Variants in RGS22 observed in about 807,000 individuals in gnomAD.
RGS22 encodes the protein regulator of G protein signaling 22, also known as regulator of G-protein signaling 22.
RGS22 carries 148 observed loss-of-function variants against 172.9 expected under a neutral mutation model. That is an observed-to-expected ratio of 0.86 (90% CI 0.75 to 0.98). The LOEUF is 0.98. Among genes scored for constraint, RGS22 ranks in the 50% least tolerant of loss-of-function variants. The pLI, the probability that RGS22 is intolerant of heterozygous loss-of-function variation, is 0.00. For synonymous variants in RGS22, 458 were observed against 480.2 expected, an observed-to-expected ratio of 0.95 and a Z score of 0.60; for missense variants, 1,347 against 1,440.8, an observed-to-expected ratio of 0.93 and a Z score of 1.05.
rs1242503250 is a variant in RGS22, at chr8:99,962,887, G to T, written c.3707C>A (p.Ala1236Glu). Residue 1236 changes from alanine to glutamate, a missense_variant and splice_region_variant, in exon 25 of 28, where the codon GCA becomes GAA. Transcript: ENST00000360863. ...TGTAGGCAGAAGGCAAAAATTACCT[G>T]CAAACAACTTTTTTTCTAGTTCTTC... ...IQEELEKKLFAGLQPLTNFKA... is the reference protein window; with the variant it reads ...IQEELEKKLFEGLQPLTNFKA... 4 of 1,593,982 alleles carry T rather than the reference G, an allele frequency of 2.5e-6. No homozygotes were observed. Among genetic ancestry groups the T allele is most frequent in the Non-Finnish European group, 3.4e-6 (4 of 1,175,228 alleles).
At chr8:100,022,545 A>T (rs1265084723) in intron 14 of RGS22, among the ~76,000 whole-genome samples, 1 of 152,172 alleles carries the variant, frequency 6.6e-6, no homozygotes, top group Non-Finnish European at 1.5e-5. Flanking sequence ...ACACAGAAAA[A>T]AAAGTTATTA....
rs185644880 is a variant in RGS22 at position 100,046,753 on chromosome 8, G to A, written c.1823+710C>T. Among the ~76,000 whole-genome samples the A allele has an allele frequency of 7.5e-4, 114 of 151,900 alleles. 1 individual carries two copies. The highest frequency in any genetic ancestry group is 2.4e-3 in the African/African-American group (100 of 41,396). ...AGAGGTGACTTCGGCATTTGAGGCT[G>A]CTTTTTCCTGAGGCTTTGCTTACGA... On this transcript the variant is annotated intron_variant, in intron 11 of 27. Coordinates refer to ENST00000360863, the MANE Select transcript of RGS22 (RefSeq NM_015668.5).
At chr8:100,096,130 C>G (rs1186961471) in intron 2 of RGS22, among the ~76,000 whole-genome samples, 1 of 152,078 alleles carries the variant, frequency 6.6e-6, no homozygotes, top group African/African-American at 2.4e-5. Flanking sequence ...ATTAAAAAAA[C>G]AAAATTAAGC....
chr8:100,021,569 G>A (rs1330964370), intron 14 of RGS22, among the ~76,000 whole-genome samples: 1 of 152,090 alleles, frequency 6.6e-6, no homozygotes, highest in Non-Finnish European at 1.5e-5. Context: ...TTCAGTGTCT[G>A]GACCCCAAAG....
chr8:100,069,339 C>T (rs962625368), intron 6 of RGS22, among the ~76,000 whole-genome samples: 3 of 152,180 alleles, frequency 2.0e-5, no homozygotes, highest in African/African-American at 7.2e-5. Context: ...GGAGTAGCAG[C>T]ACAAGGGCTA....
intron 9 of RGS22, among the ~76,000 whole-genome samples, chr8:100,060,402 G>GTATATA (rs72050805): frequency 0.013 from 1,361 of 102,956 alleles, 95 homozygotes; most frequent in African/African-American, 0.033. Flanking sequence ...TTAGCTACGT[G>GTATATA]TATATATATA....
chr8:99,992,666 T>C (rs1813889498), intron 20 of RGS22, among the ~76,000 whole-genome samples: 1 of 152,122 alleles, frequency 6.6e-6, no homozygotes, highest in South Asian at 2.1e-4. Flanking sequence ...ACAATAATAA[T>C]GGGAGACTTT....
intron 21 of RGS22, among the ~76,000 whole-genome samples, chr8:99,985,990 T>C (rs1483252373): frequency 6.6e-6 from 1 of 152,068 alleles, no homozygotes; most frequent in African/African-American, 2.4e-5. Flanking sequence ...ATATTGCTCA[T>C]GTGAAAGATT....
In RGS22 at chr8:100,047,463, C is replaced by A; in HGVS notation, c.1823G>T (p.Gly608Val). 6.3e-7 allele frequency: 1 copy of A among 1,592,596 alleles called. No homozygotes were observed. Among genetic ancestry groups the A allele is most frequent in the African/African-American group, 1.4e-5 (1 of 73,728 alleles). The change falls in exon 11 of 28, where the codon GGG becomes GTG. Residue 608 changes from glycine to valine, a missense_variant and splice_region_variant. Coordinates refer to ENST00000360863, the MANE Select transcript of RGS22 (RefSeq NM_015668.5). Reference sequence around the variant, plus strand: ...TTAACACACAAAAAGTTGCACCTACCCTTTCTCAATCACATCATCCTTAGA... The same window carrying A: ...TTAACACACAAAAAGTTGCACCTACACTTTCTCAATCACATCATCCTTAGA... ...GSSKDDVIEK[G>V]SKYMSESSKV...
intron 22 of RGS22, 38 bp downstream of exon 22, chr8:99,981,899 T>C: frequency 6.4e-7 from 1 of 1,552,126 alleles, no homozygotes. Context: ...TGTCAATCTA[T>C]TTTAAAATAT....
intron 14 of RGS22, among the ~76,000 whole-genome samples, chr8:100,035,653 G>C (rs1291040429): frequency 6.6e-6 from 1 of 152,170 alleles, no homozygotes; most frequent in Non-Finnish European, 1.5e-5. Context: ...AAAGACACAT[G>C]CACATGTATG....
intron 20 of RGS22, among the ~76,000 whole-genome samples, chr8:99,992,816 C>T (rs548517613): frequency 1.3e-5 from 2 of 152,288 alleles, no homozygotes; most frequent in South Asian, 4.1e-4. Context: ...AATATACATT[C>T]TTCTCAGCAC....
At chr8:100,065,000 C>G (rs1215428002) in intron 7 of RGS22, among the ~76,000 whole-genome samples, 2 of 152,162 alleles carry the variant, frequency 1.3e-5, no homozygotes, top group African/African-American at 4.8e-5. Context: ...CCTATTTTCT[C>G]TTTCAAAAAT....
intron 3 of RGS22, among the ~76,000 whole-genome samples, chr8:100,082,027 T>G (rs1227291787): frequency 6.6e-6 from 1 of 151,960 alleles, no homozygotes; most frequent in Non-Finnish European, 1.5e-5. Flanking sequence ...ATAAAACATT[T>G]CCTACTAATC....
chr8:100,063,834 A>C lies in RGS22; in HGVS notation c.934T>G (p.Cys312Gly). 1 of 1,610,160 alleles carries C rather than the reference A, an allele frequency of 6.2e-7. No homozygotes were observed. The highest frequency in any genetic ancestry group is 8.5e-7 in the Non-Finnish European group (1 of 1,179,038). The change falls in exon 8 of 28, where the codon TGT becomes GGT. Residue 312 changes from cysteine to glycine, a missense_variant. Coordinates refer to ENST00000360863, the MANE Select transcript of RGS22 (RefSeq NM_015668.5). Reference protein sequence around the residue: ...DESLTMHFSTCEEFLSSYIYF... With the variant: ...DESLTMHFSTGEEFLSSYIYF... ...ATATAGGAGCTTAAAAATTCTTCAC[A>C]TGTTGAGAAATGCATTGTCAGGCTT...
Position 100,047,662 on chromosome 8 carries a change from C to G in RGS22, c.1690-66G>C, listed in dbSNP as rs1378690359. On this transcript the variant is annotated intron_variant, in intron 10 of 27. Transcript: ENST00000360863. ...AAAAAGCACAGCTCTGCACCTATAC[C>G]TCAAATTTGTTCTCATCACTCGAGT... is the stretch of plus-strand genomic sequence containing the variant. The G allele has an allele frequency of 4.3e-6, 6 of 1,411,264 alleles. No homozygotes were observed. In the African/African-American group the frequency reaches 7.3e-5, roughly 17 times the overall value. 87.4% of individuals were successfully genotyped at this position (1,411,264 alleles called of 1,614,324 possible). A position where few individuals can be genotyped will look rare whatever the true frequency, so the allele number is the denominator to read the frequency against.
chr8:100,018,655 C>A (rs967637840), intron 14 of RGS22, among the ~76,000 whole-genome samples: 1 of 152,130 alleles, frequency 6.6e-6, no homozygotes, highest in East Asian at 1.9e-4. Context: ...CTATATAATA[C>A]CTGCATTGTA....
In RGS22 at chr8:100,053,841, A is replaced by G. The variant is rs929876010; in HGVS notation, c.1515-865T>C. ...TAGTAGAGACAGGTTTCACCATGTT[A>G]GCCAGGATGGTCTTGATCTCCAGAC... On this transcript the variant is annotated intron_variant, in intron 9 of 27. Coordinates refer to ENST00000360863, the MANE Select transcript of RGS22 (RefSeq NM_015668.5). Among the ~76,000 whole-genome samples the G allele has an allele frequency of 2.6e-5, 4 of 152,018 alleles. No individual in the cohort carries two copies. The East Asian group carries it at 5.8e-4, about 22-fold the overall frequency.
intron 14 of RGS22, among the ~76,000 whole-genome samples, chr8:100,032,133 C>T (rs931199625): frequency 6.6e-6 from 1 of 152,162 alleles, no homozygotes; most frequent in Admixed American, 6.5e-5. Context: ...AACCAGCAAA[C>T]ATCATAATCA....
Sources: gnomAD v4.1 joint callset for allele counts (sites outside exome capture counted in the v4.1 genomes callset) on GRCh38, gnomAD v4.1.1 for gene constraint, MANE v1.5 for transcripts, NCBI Gene and HGNC (gene_info 2026-07-23, HGNC 2026-07-21) for gene names.